Variants in CDH18 observed in about 807,000 individuals in gnomAD.
CDH18 encodes the protein cadherin 18, also known as cadherin-18.
Under a neutral mutation model 67.9 loss-of-function variants are expected in CDH18, and 31 were observed. That is an observed-to-expected ratio of 0.46 (90% CI 0.34 to 0.62). The LOEUF (loss-of-function observed/expected upper bound fraction) is 0.62. Ranked by LOEUF, CDH18 falls within the 20% of genes least tolerant of loss-of-function variation. CDH18 has a pLI of 0.01. For synonymous variants in CDH18, 362 were observed against 347.2 expected (o/e 1.04, Z -0.48); for missense variants, 890 against 975.5 (o/e 0.91, Z 1.17).
chr5:19,535,510 AC>A (rs2127014023), intron 9 of CDH18, among the ~76,000 whole-genome samples: 1 of 152,340 alleles, frequency 6.6e-6, no homozygotes, highest in South Asian at 2.1e-4. Flanking sequence ...GCAGCTGCTA[AC>A]CAAAAATAAC....
At chr5:20,288,685 C>A (rs890766467) in intron 1 of CDH18, among the ~76,000 whole-genome samples, 1 of 151,918 alleles carries the variant, frequency 6.6e-6, no homozygotes, top group Admixed American at 6.6e-5. Flanking sequence ...CATAATAGAT[C>A]CTTTCTTGTG....
intron 5 of CDH18, among the ~76,000 whole-genome samples, chr5:19,660,047 T>C (rs1756946471): frequency 1.3e-5 from 2 of 152,106 alleles, no homozygotes; most frequent in Non-Finnish European, 2.9e-5. Context: ...CCTGTCAACA[T>C]GGATAAAAAT....
intron 2 of CDH18, among the ~76,000 whole-genome samples, chr5:20,217,844 A>G (rs114511349): frequency 0.015 from 2,286 of 152,044 alleles, 30 homozygotes; most frequent in South Asian, 0.029. Context: ...AACAGAAACC[A>G]TAAAAGAGCA....
chr5:19,569,437 C>T (rs1379912963), intron 8 of CDH18, among the ~76,000 whole-genome samples: 1 of 152,160 alleles, frequency 6.6e-6, no homozygotes, highest in Non-Finnish European at 1.5e-5. Context: ...GTTAATTGTA[C>T]ATGTCAACTT....
chr5:19,574,184 C>G (rs1741916621), intron 7 of CDH18, among the ~76,000 whole-genome samples: 1 of 152,166 alleles, frequency 6.6e-6, no homozygotes, highest in African/African-American at 2.4e-5. Flanking sequence ...CATTTCTTAG[C>G]AGGTCCCCTG....
chr5:20,122,853 C>T (rs901832928), intron 2 of CDH18, among the ~76,000 whole-genome samples: 12 of 146,756 alleles, frequency 8.2e-5, no homozygotes, highest in African/African-American at 2.5e-4. Flanking sequence ...CCCTATATAA[C>T]ATGTCTGAAA....
At chr5:19,492,563 G>A (rs1388062520) in intron 11 of CDH18, among the ~76,000 whole-genome samples, 1 of 152,034 alleles carries the variant, frequency 6.6e-6, no homozygotes. Flanking sequence ...ATTTTAATCA[G>A]AAAACATTTC....
At chr5:20,253,413 A>G (rs916505394) in intron 2 of CDH18, among the ~76,000 whole-genome samples, 4 of 152,206 alleles carry the variant, frequency 2.6e-5, no homozygotes, top group African/African-American at 9.6e-5. Context: ...CTAGTTTGAC[A>G]TAATTAAAAT....
At chr5:20,215,437 TAAATAAATAAA>T (rs1740688923) in intron 2 of CDH18, among the ~76,000 whole-genome samples, 1 of 85,362 alleles carries the variant, frequency 1.2e-5, no homozygotes, top group African/African-American at 6.1e-5. Context: ...ATCCAAAAAA[TAAATAAATAAA>T]TAAATAAATA....
intron 1 of CDH18, among the ~76,000 whole-genome samples, chr5:20,387,247 C>A (rs1268810542): frequency 6.6e-6 from 1 of 152,138 alleles, no homozygotes; most frequent in African/African-American, 2.4e-5. Context: ...TTTCATTGAG[C>A]AGTGGTTTGT....
intron 2 of CDH18, among the ~76,000 whole-genome samples, chr5:20,166,483 G>C (rs946848325): frequency 2.7e-5 from 4 of 145,762 alleles, no homozygotes; most frequent in Non-Finnish European, 6.1e-5. Flanking sequence ...AAAGACAAAA[G>C]AAAAGAAAAG....
At chr5:20,196,033 T>C (rs1738946584) in intron 2 of CDH18, among the ~76,000 whole-genome samples, 1 of 152,168 alleles carries the variant, frequency 6.6e-6, no homozygotes, top group Admixed American at 6.6e-5. Context: ...TTTAGCATCC[T>C]TCCTGGAAGG....
In CDH18 at chr5:20,469,096, C is replaced by G. The variant is rs940843198; in HGVS notation, c.-580+106366G>C. Among the ~76,000 whole-genome samples the G allele has an allele frequency of 8.5e-5, 13 of 152,198 alleles. No homozygotes were observed. The East Asian group carries it at 2.5e-3, about 29-fold the overall frequency. On this transcript the variant is annotated intron_variant, in intron 1 of 14. Transcript: ENST00000507958. Reference sequence around the variant, plus strand: ...GTGGCAACAGGAAGGCAGCAAGTGCCAAACAGTAATCATTATCACCACCAA... The same window carrying G: ...GTGGCAACAGGAAGGCAGCAAGTGCGAAACAGTAATCATTATCACCACCAA...
intron 6 of CDH18, among the ~76,000 whole-genome samples, chr5:19,607,818 C>A (rs934267055): frequency 6.6e-6 from 1 of 150,698 alleles, no homozygotes; most frequent in Non-Finnish European, 1.5e-5. Flanking sequence ...CCACACAAAC[C>A]ATAACCAAAA....
At chr5:19,847,892 C>T (rs192588425) in intron 2 of CDH18, among the ~76,000 whole-genome samples, 137 of 152,068 alleles carry the variant, frequency 9.0e-4, no homozygotes, top group African/African-American at 3.2e-3. Context: ...TATGGTGTAC[C>T]GCACATCCGC....
At chr5:20,296,664 G>C (rs1009366734) in intron 1 of CDH18, among the ~76,000 whole-genome samples, 2 of 151,726 alleles carry the variant, frequency 1.3e-5, no homozygotes, top group Non-Finnish European at 2.9e-5. Context: ...TATGCTATAA[G>C]TAAACTACAG....
intron 2 of CDH18, among the ~76,000 whole-genome samples, chr5:20,124,604 A>C (rs1748666439): frequency 6.6e-6 from 1 of 152,190 alleles, no homozygotes; most frequent in Non-Finnish European, 1.5e-5. Flanking sequence ...TCCAACACTA[A>C]AAAGAGAGAA....
intron 2 of CDH18, among the ~76,000 whole-genome samples, chr5:20,163,849 T>C (rs1315916054): frequency 6.6e-6 from 1 of 152,226 alleles, no homozygotes; most frequent in African/African-American, 2.4e-5. Context: ...ACATAGAAAG[T>C]GCTGATCTTT....
At chr5:20,313,051 T>G (rs1737140021) in intron 1 of CDH18, among the ~76,000 whole-genome samples, 1 of 152,150 alleles carries the variant, frequency 6.6e-6, no homozygotes, top group South Asian at 2.1e-4. Flanking sequence ...TAGTTACACA[T>G]GCAATGGATA....
Sources: allele counts gnomAD v4.1 joint callset (sites outside exome capture counted in the v4.1 genomes callset), GRCh38; gene constraint gnomAD v4.1.1; transcripts MANE v1.5; gene names NCBI Gene and HGNC (gene_info 2026-07-23, HGNC 2026-07-21).